VWA8: variants seen among roughly 807,000 people sequenced by gnomAD.
VWA8 encodes the protein von Willebrand factor A domain containing 8.
Under a neutral mutation model 241.5 loss-of-function variants are expected in VWA8, and 221 were observed. That is an observed-to-expected ratio of 0.91 (90% confidence interval 0.82 to 1.02). VWA8 has a LOEUF of 1.02. Ranked by LOEUF, VWA8 falls within the 50% of genes least tolerant of loss-of-function variation. The probability of loss-of-function intolerance (pLI) is 0.00; values close to 1 mark genes in which losing one functional copy is unlikely to be tolerated. For missense variants in VWA8, 2,322 were observed against 2,328.7 expected, an observed-to-expected ratio of 1.00 and a Z score of 0.06; for synonymous variants, 852 against 827.1, an observed-to-expected ratio of 1.03 and a Z score of -0.52.
intron 34 of VWA8, among the ~76,000 whole-genome samples, chr13:41,687,627 AT>A (rs954978617): frequency 5.9e-5 from 9 of 151,914 alleles, no homozygotes; most frequent in African/African-American, 1.7e-4. Flanking sequence ...GTCTGTTTCT[AT>A]TTTTTTCATT....
chr13:41,613,128 C>T (rs1406344740), intron 38 of VWA8, among the ~76,000 whole-genome samples: 2 of 152,282 alleles, frequency 1.3e-5, no homozygotes, highest in Non-Finnish European at 1.5e-5. Context: ...CCACCCCCAC[C>T]TCCACCTTAC....
chr13:41,766,432 T>C (rs186101623), intron 20 of VWA8, among the ~76,000 whole-genome samples: 95 of 152,316 alleles, frequency 6.2e-4, no homozygotes, highest in African/African-American at 2.2e-3. Flanking sequence ...GGGACTTGAA[T>C]GCTGAAGGAT....
At chr13:41,576,997 C>A (rs1045602669) in intron 42 of VWA8, among the ~76,000 whole-genome samples, 3 of 152,258 alleles carry the variant, frequency 2.0e-5, no homozygotes, top group Non-Finnish European at 4.4e-5. Context: ...TCTGCCCACC[C>A]TCTGAGCACC....
At position 41,833,520 on chromosome 13, in the gene VWA8, C is replaced by G. The variant is rs142661823; in HGVS notation, c.1437G>C (p.Ala479=). Residue 479 remains alanine (A), a synonymous_variant, in exon 13 of 45, where the codon GCG becomes GCC. Transcript: ENST00000379310. The part of the protein sequence containing the change: ...EPIMLYQDMT[A]RDLLQQRYTL... ...TGTATCTCTGCTGTAGCAGATCACG[C>G]GCTGTCATATCCTAAAACAAATCCC... 3.7e-6 allele frequency: 6 copies of G among 1,608,738 alleles called. No individual in the cohort carries two copies. The highest frequency in any genetic ancestry group is 5.1e-6 in the Non-Finnish European group (6 of 1,177,958).
At chr13:41,811,004 G>GA (rs1194403843) in intron 17 of VWA8, among the ~76,000 whole-genome samples, 40 of 151,994 alleles carry the variant, frequency 2.6e-4, no homozygotes, top group Non-Finnish European at 2.4e-4. Context: ...AGGAAGCATA[G>GA]TACCAACATC....
In VWA8 at chr13:41,833,351, T is replaced by C. The variant is rs2138004622; in HGVS notation, c.1586+20A>G. ...GAGTGGGGTGTGTGTCTGTGTGTGATTTTTGTGACTCATACCCACCTTTGC... is the reference window on the plus strand; with the variant it reads ...GAGTGGGGTGTGTGTCTGTGTGTGACTTTTGTGACTCATACCCACCTTTGC... On this transcript the variant is annotated intron_variant, in intron 13 of 44. Coordinates refer to ENST00000379310, the MANE Select transcript of VWA8 (RefSeq NM_015058.2). 6.3e-7 allele frequency: 1 copy of C among 1,588,858 alleles called. No individual in the cohort carries two copies. Among genetic ancestry groups the C allele is most frequent in the Non-Finnish European group, 8.6e-7 (1 of 1,168,532 alleles).
intron 2 of VWA8, among the ~76,000 whole-genome samples, chr13:41,937,354 TG>T (rs1877397371): frequency 1.3e-5 from 2 of 152,216 alleles, no homozygotes; most frequent in Non-Finnish European, 2.9e-5. Flanking sequence ...CTTGTTTTCT[TG>T]CAACTAGACA....
chr13:41,928,262 A>G (rs1876942209), intron 2 of VWA8, among the ~76,000 whole-genome samples: 1 of 152,212 alleles, frequency 6.6e-6, no homozygotes, highest in Non-Finnish European at 1.5e-5. Flanking sequence ...CCTAACAGAC[A>G]TATTTGAAAT....
chr13:41,628,633 A>G (rs1485888597), intron 37 of VWA8, among the ~76,000 whole-genome samples: 1 of 152,212 alleles, frequency 6.6e-6, no homozygotes. Flanking sequence ...TTGCAGCAAC[A>G]TGAATGCAGC....
intron 37 of VWA8, among the ~76,000 whole-genome samples, chr13:41,625,818 A>G (rs2044686322): frequency 6.6e-6 from 1 of 151,872 alleles, no homozygotes. Flanking sequence ...AATAGCAAAG[A>G]TTTGGAACCA....
At chr13:41,825,415 A>T (rs562039541) in intron 14 of VWA8, among the ~76,000 whole-genome samples, 1 of 152,288 alleles carries the variant, frequency 6.6e-6, no homozygotes, top group Non-Finnish European at 1.5e-5. Flanking sequence ...AGTTGGAACA[A>T]GAGCTTTAAA....
rs765161010 is a variant in VWA8, at chr13:41,870,468, G to A, written c.1081-1991C>T. Among the ~76,000 whole-genome samples, 14 of 151,908 alleles carry A rather than the reference G, an allele frequency of 9.2e-5. No individual in the cohort carries two copies. In the South Asian group the frequency reaches 1.5e-3, roughly 16 times the overall value. The stretch of plus-strand genomic sequence containing the variant: ...AGCCTGGCCAACATGGTGAAACCCC[G>A]TCTCTACTAAAAATACAAAAATTAG... On this transcript the variant is annotated intron_variant, in intron 9 of 44. Coordinates refer to ENST00000379310, the MANE Select transcript of VWA8 (RefSeq NM_015058.2).
chr13:41,941,349 AGAAG>A lies in VWA8; in HGVS notation c.241+8583_241+8586del, dbSNP rs1877588370. ...ATAATACGGCACCTTAGAAGCTAAAAGAAGGAATGACTAATGCTATCCTCTGTTG... is the reference window on the plus strand; with the variant it reads ...ATAATACGGCACCTTAGAAGCTAAAAGAATGACTAATGCTATCCTCTGTTG... On this transcript the variant is annotated intron_variant, in intron 2 of 44. Coordinates refer to ENST00000379310, the MANE Select transcript of VWA8 (RefSeq NM_015058.2). 2.6e-5 allele frequency among the ~76,000 whole-genome samples: 4 copies of A among 152,214 alleles called. No homozygotes were observed. The South Asian group carries it at 8.3e-4, about 31-fold the overall frequency.
At chr13:41,720,935 T>C (rs948991642) in intron 25 of VWA8, among the ~76,000 whole-genome samples, 7 of 152,214 alleles carry the variant, frequency 4.6e-5, no homozygotes. Flanking sequence ...GAAACTTCCT[T>C]GCGGTATTTA....
At chr13:41,830,046 T>G (rs1258307500) in intron 14 of VWA8, among the ~76,000 whole-genome samples, 2 of 151,960 alleles carry the variant, frequency 1.3e-5, no homozygotes, top group African/African-American at 4.8e-5. Context: ...ATCGAGACCA[T>G]CCTGGCTAAC....
At chr13:41,697,423 A>G (rs2045222218) in intron 29 of VWA8, among the ~76,000 whole-genome samples, 1 of 152,060 alleles carries the variant, frequency 6.6e-6, no homozygotes, top group African/African-American at 2.4e-5. Context: ...AGAAACTTCA[A>G]CGGCCTACAA....
At chr13:41,677,497 C>G (rs553159760) in intron 35 of VWA8, among the ~76,000 whole-genome samples, 4 of 152,128 alleles carry the variant, frequency 2.6e-5, no homozygotes, top group Non-Finnish European at 5.9e-5. Context: ...AACAATATGA[C>G]TTATTTGGGG....
At chr13:41,786,191 T>C (rs1348447302) in intron 18 of VWA8, among the ~76,000 whole-genome samples, 2 of 152,134 alleles carry the variant, frequency 1.3e-5, no homozygotes, top group Non-Finnish European at 2.9e-5. Context: ...AGGAGAATAT[T>C]AAAGATACAT....
At chr13:41,713,029 G>C (rs1367478290) in intron 26 of VWA8, among the ~76,000 whole-genome samples, 2 of 152,114 alleles carry the variant, frequency 1.3e-5, no homozygotes, top group Admixed American at 6.6e-5. Flanking sequence ...TTTAACTTCT[G>C]GTTAAAATGC....
Sources: gnomAD v4.1 joint callset for allele counts (sites outside exome capture counted in the v4.1 genomes callset) on GRCh38, gnomAD v4.1.1 for gene constraint, MANE v1.5 for transcripts, NCBI Gene and HGNC (gene_info 2026-07-23, HGNC 2026-07-21) for gene names.